FAM180A: variants seen among roughly 807,000 people sequenced by gnomAD.
FAM180A encodes protein FAM180A.
In FAM180A, 14 loss-of-function variants were observed where a neutral mutation model predicts 15.3. The ratio of observed to expected loss-of-function variants is 0.92; its 90% CI spans 0.61 to 1.43. FAM180A has a LOEUF of 1.43. Ranked by LOEUF, FAM180A falls within the 40% of genes most tolerant of loss-of-function variation. The pLI is 0.00. For missense variants in FAM180A, 200 were observed against 220.8 expected (o/e 0.91, Z 0.60); for synonymous variants, 90 against 96.8 (o/e 0.93, Z 0.41).
Position 135,733,654 on chromosome 7 carries a change from A to C in FAM180A, c.*321T>G. The C allele has an allele frequency of 9.1e-7, 1 of 1,094,914 alleles. No homozygotes were observed. Among genetic ancestry groups the C allele is most frequent in the Non-Finnish European group, 1.1e-6 (1 of 901,670 alleles). 67.8% of individuals were successfully genotyped at this position (1,094,914 alleles called of 1,614,324 possible). ...GAGCCTCTGTGCCCGGCCTGTTCTCACTCTTGAGTGTGTGGCCACTGCTCT... is the reference window on the plus strand; with the variant it reads ...GAGCCTCTGTGCCCGGCCTGTTCTCCCTCTTGAGTGTGTGGCCACTGCTCT... On this transcript the variant is annotated 3_prime_UTR_variant, in exon 3 of 4. Transcript: ENST00000338588.
chr7:135,748,297 T>G (rs964499456), intron 1 of FAM180A, among the ~76,000 whole-genome samples: 1 of 152,200 alleles, frequency 6.6e-6, no homozygotes, highest in African/African-American at 2.4e-5. Flanking sequence ...CACCTCAACC[T>G]AATTCCCTCA....
chr7:135,732,032 C>A (rs1796790741), intron 3 of FAM180A, among the ~76,000 whole-genome samples: 1 of 152,176 alleles, frequency 6.6e-6, no homozygotes, highest in Admixed American at 6.5e-5. Context: ...TATTAGGACC[C>A]AGACGCTCGA....
intron 3 of FAM180A, among the ~76,000 whole-genome samples, chr7:135,730,517 T>G (rs1430394983): frequency 6.6e-6 from 1 of 152,180 alleles, no homozygotes; most frequent in African/African-American, 2.4e-5. Flanking sequence ...AGAGCGAGAC[T>G]GTCCCAAAAA....
At chr7:135,743,992 C>T (rs1055127055) in intron 1 of FAM180A, among the ~76,000 whole-genome samples, 1 of 152,116 alleles carries the variant, frequency 6.6e-6, no homozygotes, top group Non-Finnish European at 1.5e-5. Flanking sequence ...TCTGTCTCCA[C>T]CACACCCTCC....
At chr7:135,730,505 A>G (rs1325206559) in intron 3 of FAM180A, among the ~76,000 whole-genome samples, 1 of 152,206 alleles carries the variant, frequency 6.6e-6, no homozygotes, top group African/African-American at 2.4e-5. Flanking sequence ...AGCCTGGGTG[A>G]CAGAGCGAGA....
chr7:135,741,109 T>C (rs1172601876), intron 1 of FAM180A, among the ~76,000 whole-genome samples: 1 of 152,224 alleles, frequency 6.6e-6, no homozygotes, highest in Non-Finnish European at 1.5e-5. Context: ...TGGACTTTCT[T>C]CGCTCAGTTG....
intron 1 of FAM180A, among the ~76,000 whole-genome samples, chr7:135,748,267 G>A (rs1041621958): frequency 6.6e-6 from 1 of 152,250 alleles, no homozygotes; most frequent in South Asian, 2.1e-4. Flanking sequence ...ATGCCAGAAA[G>A]GGGTACTCTC....
At chr7:135,737,527 C>T (rs1796889074) in intron 1 of FAM180A, among the ~76,000 whole-genome samples, 1 of 140,480 alleles carries the variant, frequency 7.1e-6, no homozygotes, top group African/African-American at 2.7e-5. Context: ...GTGGAGGTTG[C>T]AGTGAGCCGA....
intron 3 of FAM180A, among the ~76,000 whole-genome samples, chr7:135,732,163 A>T (rs1796792438): frequency 6.6e-6 from 1 of 152,224 alleles, no homozygotes; most frequent in African/African-American, 2.4e-5. Context: ...GGCAAGTTAC[A>T]TTGGTAACAA....
At chr7:135,731,361 G>A (rs890804691) in intron 3 of FAM180A, among the ~76,000 whole-genome samples, 4 of 151,978 alleles carry the variant, frequency 2.6e-5, no homozygotes, top group Non-Finnish European at 5.9e-5. Context: ...ACACTGACTT[G>A]TGTTTTACTT....
chr7:135,746,448 A>T (rs1458121384), intron 1 of FAM180A, among the ~76,000 whole-genome samples: 1 of 152,222 alleles, frequency 6.6e-6, no homozygotes, highest in Non-Finnish European at 1.5e-5. Context: ...TTAGTGAACT[A>T]AAGCTCAGAG....
chr7:135,742,501 G>A (rs1219408425), intron 1 of FAM180A, among the ~76,000 whole-genome samples: 1 of 152,172 alleles, frequency 6.6e-6, no homozygotes, highest in African/African-American at 2.4e-5. Flanking sequence ...GCCCAGGCTG[G>A]CCGTGGGGTG....
At position 135,730,086 on chromosome 7, in the gene FAM180A, T is replaced by C; in HGVS notation, c.*525A>G. 1 of 985,276 alleles carries C rather than the reference T, an allele frequency of 1.0e-6. No homozygotes were observed. Among genetic ancestry groups the C allele is most frequent in the Non-Finnish European group, 1.2e-6 (1 of 829,912 alleles). The allele number at this position is 985,276 out of a possible 1,614,324, so 61.0% of individuals were successfully genotyped here. A position where few individuals can be genotyped will look rare whatever the true frequency, so the allele number is the denominator to read the frequency against. On this transcript the variant is annotated 3_prime_UTR_variant, in exon 4 of 4. Coordinates refer to ENST00000338588, the MANE Select transcript of FAM180A (RefSeq NM_205855.4). ...TTGTAAAAAGTCATTTAACAAGCAT[T>C]TGATTTTAGACCATTGGACCTGCAG...
chr7:135,737,046 A>G, intron 2 of FAM180A, 53 bp downstream of exon 2: 1 of 1,414,138 alleles, frequency 7.1e-7, no homozygotes, highest in South Asian at 1.2e-5. Context: ...AAAGATAGAG[A>G]AAGTGCAGAG....
intron 1 of FAM180A, among the ~76,000 whole-genome samples, chr7:135,747,707 C>G (rs1797051126): frequency 6.6e-6 from 1 of 152,154 alleles, no homozygotes; most frequent in South Asian, 2.1e-4. Flanking sequence ...GCGGTTCTTT[C>G]TAGGAGAGTG....
chr7:135,747,504 T>A (rs1797047535), intron 1 of FAM180A, among the ~76,000 whole-genome samples: 1 of 152,104 alleles, frequency 6.6e-6, no homozygotes, highest in African/African-American at 2.4e-5. Flanking sequence ...ATAAGTACAG[T>A]AGCTTTTGCC....
At position 135,737,171 on chromosome 7, in the gene FAM180A, T is replaced by G. The variant is rs752195635; in HGVS notation, c.105A>C (p.Pro35=). 6.2e-7 allele frequency: 1 copy of G among 1,608,062 alleles called. No homozygotes were observed. The highest frequency in any genetic ancestry group is 2.2e-5 in the East Asian group (1 of 44,804). The part of the protein sequence containing the change: ...RAVLFPAAHR[P]KRSSSLPLNP... ...TCAATGGCAGTGATGAGGACCTCTT[T>G]GGCCGGTGGGCGGCAGGGAAGAGCA... Residue 35 remains proline, a synonymous_variant, in exon 2 of 4, where the codon CCA becomes CCC. Transcript: ENST00000338588.
At chr7:135,737,049 G>A (rs1397648850) in intron 2 of FAM180A, 50 bp downstream of exon 2, 7 of 1,426,740 alleles carry the variant, frequency 4.9e-6, no homozygotes, top group Non-Finnish European at 5.9e-6. Context: ...GATAGAGAAA[G>A]TGCAGAGTCT....
intron 2 of FAM180A, 46 bp downstream of exon 2, chr7:135,737,053 A>G: frequency 6.9e-7 from 1 of 1,450,908 alleles, no homozygotes; most frequent in East Asian, 2.3e-5. Context: ...GAGAAAGTGC[A>G]GAGTCTTTTG....
Sources: allele counts gnomAD v4.1 joint callset (sites outside exome capture counted in the v4.1 genomes callset), GRCh38; gene constraint gnomAD v4.1.1; transcripts MANE v1.5; gene names NCBI Gene and HGNC (gene_info 2026-07-23, HGNC 2026-07-21).